Variants in THSD4 observed in about 807,000 individuals in gnomAD.
The protein encoded by THSD4 is thrombospondin type 1 domain containing 4.
THSD4 carries 69 observed loss-of-function variants against 119.0 expected under a neutral mutation model. The ratio of observed to expected loss-of-function variants is 0.58; its 90% CI spans 0.48 to 0.71. The LOEUF is 0.71. Ranked by LOEUF, THSD4 falls within the 30% of genes least tolerant of loss-of-function variation. The pLI, the probability that THSD4 is intolerant of heterozygous loss-of-function variation, is 0.00. For missense variants in THSD4, 1,393 were observed against 1,391.1 expected, an observed-to-expected ratio of 1.00 and a Z score of -0.02; for synonymous variants, 524 against 540.4, an observed-to-expected ratio of 0.97 and a Z score of 0.42.
At chr15:71,214,389 G>A (rs907477242) in intron 3 of THSD4, among the ~76,000 whole-genome samples, 1 of 152,222 alleles carries the variant, frequency 6.6e-6, no homozygotes, top group African/African-American at 2.4e-5. Context: ...TGCTACCTTT[G>A]TGAGCTGTAA....
At chr15:71,718,091 G>A (rs1384150795) in intron 8 of THSD4, among the ~76,000 whole-genome samples, 4 of 150,628 alleles carry the variant, frequency 2.7e-5, no homozygotes, top group African/African-American at 4.9e-5. Flanking sequence ...TGAGGCTACA[G>A]TGAGCCATGA....
chr15:71,547,911 C>CTTTTTTT (rs33983525), intron 7 of THSD4: 1 of 149,222 alleles, frequency 6.7e-6, no homozygotes, highest in Non-Finnish European at 1.5e-5. Flanking sequence ...ACACTTCTCT[C>CTTTTTTT]TTTTTTTTTT....
At chr15:71,685,262 T>C (rs1287540962) in intron 8 of THSD4, among the ~76,000 whole-genome samples, 1 of 152,068 alleles carries the variant, frequency 6.6e-6, no homozygotes, top group Admixed American at 6.5e-5. Context: ...CACTTCTGTT[T>C]TTGCTGTTTT....
rs760361217 is a variant in THSD4, at chr15:71,413,130, A to G, written c.1152+1307A>G. ...AGGTTCAAGGGATTCTCCTGCCTCA[A>G]CCTCCTGAGTAGCTGGGATTACAGG... On this transcript the variant is annotated intron_variant, in intron 7 of 17. Transcript: ENST00000261862. 3.7e-3 allele frequency among the ~76,000 whole-genome samples: 554 copies of G among 151,318 alleles called. 2 individuals carry two copies. Among genetic ancestry groups the G allele is most frequent in the Non-Finnish European group, 5.1e-3 (344 of 67,760 alleles).
intron 6 of THSD4, among the ~76,000 whole-genome samples, chr15:71,336,864 T>G (rs550349352): frequency 6.6e-6 from 1 of 152,318 alleles, no homozygotes; most frequent in South Asian, 2.1e-4. Flanking sequence ...CTTTCACACT[T>G]TCACCGGTGG....
At chr15:71,586,957 C>A (rs1219557731) in intron 7 of THSD4, among the ~76,000 whole-genome samples, 1 of 152,080 alleles carries the variant, frequency 6.6e-6, no homozygotes, top group Non-Finnish European at 1.5e-5. Flanking sequence ...CATCTCTGAC[C>A]CTTTACAGTT....
At chr15:71,502,063 C>T (rs1263702954) in intron 7 of THSD4, among the ~76,000 whole-genome samples, 1 of 152,156 alleles carries the variant, frequency 6.6e-6, no homozygotes, top group Non-Finnish European at 1.5e-5. Context: ...AGAACTAATC[C>T]ACAATACTGA....
intron 14 of THSD4, among the ~76,000 whole-genome samples, chr15:71,752,729 A>G (rs970356891): frequency 1.3e-5 from 2 of 152,204 alleles, no homozygotes; most frequent in Non-Finnish European, 1.5e-5. Flanking sequence ...ATTTGAAGCT[A>G]TGACCTAGAT....
intron 11 of THSD4, 174 bp downstream of exon 11, chr15:71,738,181 A>G: frequency 2.6e-6 from 2 of 774,224 alleles, no homozygotes; most frequent in Non-Finnish European, 4.1e-6. Flanking sequence ...AAACTGCCCT[A>G]TCGCAGATCA....
chr15:71,522,496 C>G (rs933873508), intron 7 of THSD4, among the ~76,000 whole-genome samples: 4 of 152,130 alleles, frequency 2.6e-5, no homozygotes, highest in African/African-American at 4.8e-5. Flanking sequence ...ATAAGAGAAA[C>G]ATGCAACTGC....
At chr15:71,405,650 C>T (rs1482411818) in intron 6 of THSD4, among the ~76,000 whole-genome samples, 3 of 152,072 alleles carry the variant, frequency 2.0e-5, no homozygotes, top group Non-Finnish European at 2.9e-5. Flanking sequence ...TGGTCCCTTG[C>T]ATTTTTGTGT....
chr15:71,241,970 A>G (rs1454995986), intron 4 of THSD4, among the ~76,000 whole-genome samples: 2 of 152,194 alleles, frequency 1.3e-5, no homozygotes, highest in Non-Finnish European at 2.9e-5. Context: ...ACCCAAGACA[A>G]TTCTTCTAAA....
At chr15:71,676,344 C>T (rs148849654) in intron 8 of THSD4, among the ~76,000 whole-genome samples, 3 of 152,166 alleles carry the variant, frequency 2.0e-5, no homozygotes, top group South Asian at 2.1e-4. Context: ...TGCGGTGGCA[C>T]GATCTCAGCT....
chr15:71,298,310 A>G (rs1481745830), intron 6 of THSD4, among the ~76,000 whole-genome samples: 1 of 152,162 alleles, frequency 6.6e-6, no homozygotes, highest in Non-Finnish European at 1.5e-5. Flanking sequence ...CTGACCTTAC[A>G]ATAACACCAC....
chr15:71,331,089 C>G lies in THSD4; in HGVS notation c.1015+74374C>G, dbSNP rs139511593. ...GCCTTTGGCTGGCAAAGCTGTTTGT[C>G]TCCCCTTCTAGTTTTCTGCTGCAGC... is the stretch of plus-strand genomic sequence containing the variant. On this transcript the variant is annotated intron_variant, in intron 6 of 17. Transcript: ENST00000261862. Among the ~76,000 whole-genome samples, 41 of 152,300 alleles carry G rather than the reference C, an allele frequency of 2.7e-4. No homozygotes were observed. In the East Asian group the frequency reaches 7.9e-3, roughly 29 times the overall value.
intron 7 of THSD4, among the ~76,000 whole-genome samples, chr15:71,597,559 A>G (rs188870721): frequency 1.5e-3 from 221 of 152,366 alleles, no homozygotes; most frequent in Non-Finnish European, 2.4e-3. Context: ...TTAAAGAAAT[A>G]GCTTTTTACC....
At chr15:71,148,618 T>G (rs1404670229) in intron 2 of THSD4, among the ~76,000 whole-genome samples, 1 of 152,224 alleles carries the variant, frequency 6.6e-6, no homozygotes, top group Non-Finnish European at 1.5e-5. Flanking sequence ...TGCGTCCACC[T>G]AGTTTCTGAT....
At chr15:71,162,158 T>G (rs2043254854) in intron 3 of THSD4, among the ~76,000 whole-genome samples, 1 of 152,042 alleles carries the variant, frequency 6.6e-6, no homozygotes, top group Non-Finnish European at 1.5e-5. Flanking sequence ...AATTGAAAGA[T>G]TTACATAACA....
In THSD4 at chr15:71,737,752, A is replaced by T; in HGVS notation, c.1651A>T (p.Met551Leu). 6.2e-7 allele frequency: 1 copy of T among 1,612,380 alleles called. No individual in the cohort carries two copies. Among genetic ancestry groups the T allele is most frequent in the Non-Finnish European group, 8.5e-7 (1 of 1,179,100 alleles). The change falls in exon 11 of 18, where the codon ATG becomes TTG. Residue 551 changes from methionine (M) to leucine (L), a missense_variant. Physicochemically the swap from Met to Leu is conservative, Grantham distance 15. Transcript: ENST00000261862. ...CCTAGGGGAACCCTTCAATGGCCAG[A>T]TGGTGACAGAAGGCAGGAGCCAGGA... ...RRPGEPFNGQMVTEGRSQEEG... is the reference protein window; with the variant it reads ...RRPGEPFNGQLVTEGRSQEEG...
Sources: gnomAD v4.1 joint callset for allele counts (sites outside exome capture counted in the v4.1 genomes callset) on GRCh38, gnomAD v4.1.1 for gene constraint, MANE v1.5 for transcripts, NCBI Gene and HGNC (gene_info 2026-07-23, HGNC 2026-07-21) for gene names.